Variants in MPDZ observed in about 807,000 individuals in gnomAD.
The protein encoded by MPDZ is multiple PDZ domain crumbs cell polarity complex component.
In MPDZ, 234 loss-of-function variants were observed where a neutral mutation model predicts 239.1. The ratio of observed to expected loss-of-function variants is 0.98; its 90% confidence interval spans 0.88 to 1.09. The LOEUF (loss-of-function observed/expected upper bound fraction) is 1.09, where lower values mean the gene tolerates loss of function less well. Ranked by LOEUF, MPDZ falls within the 50% of genes least tolerant of loss-of-function variation. The probability of loss-of-function intolerance (pLI) is 0.00; values close to 1 mark genes in which losing one functional copy is unlikely to be tolerated. For synonymous variants in MPDZ, 1,048 were observed against 881.3 expected (o/e 1.19, Z -3.35); for missense variants, 3,175 against 2,510.0 (o/e 1.26, Z -5.66).
At chr9:13,227,563 T>A (rs1165987981) in intron 3 of MPDZ, among the ~76,000 whole-genome samples, 1 of 152,114 alleles carries the variant, frequency 6.6e-6, no homozygotes, top group Non-Finnish European at 1.5e-5. Context: ...TAAGCCAGAA[T>A]GAACAAATCG....
At chr9:13,179,562 T>C (rs1265834618) in intron 19 of MPDZ, among the ~76,000 whole-genome samples, 2 of 152,134 alleles carry the variant, frequency 1.3e-5, no homozygotes, top group Non-Finnish European at 2.9e-5. Flanking sequence ...CCAACTCAGT[T>C]TTATTTTTAA....
chr9:13,243,455 C>CT lies in MPDZ; in HGVS notation c.183+4179dup, dbSNP rs1012360904. On this transcript the variant is annotated intron_variant, in intron 3 of 46. Transcript: ENST00000319217. Reference sequence around the variant, plus strand: ...GTCCTTGGTATATCTAGTTATGTGACTTTTTTTTTGGTCTTTGTTTAGGTT... The same window carrying CT: ...GTCCTTGGTATATCTAGTTATGTGACTTTTTTTTTTGGTCTTTGTTTAGGTT... Among the ~76,000 whole-genome samples the CT allele has an allele frequency of 8.9e-4, 134 of 149,954 alleles. 1 individual carries two copies. The highest frequency in any genetic ancestry group is 2.5e-3 in the African/African-American group (102 of 40,950).
At chr9:13,217,369 A>G (rs1479734944) in intron 8 of MPDZ, 75 bp from the exon 9 acceptor site, 1 of 955,482 alleles carries the variant, frequency 1.0e-6, no homozygotes, top group East Asian at 2.7e-5. Context: ...ACAAACAAAC[A>G]AAAAAACCAT....
At chr9:13,184,916 C>T (rs1391426819) in intron 18 of MPDZ, among the ~76,000 whole-genome samples, 3 of 151,952 alleles carry the variant, frequency 2.0e-5, no homozygotes, top group Admixed American at 6.6e-5. Flanking sequence ...ATGCCAAGCT[C>T]ACATAAAAGT....
chr9:13,254,516 G>A (rs529944727), intron 1 of MPDZ, among the ~76,000 whole-genome samples: 1 of 152,028 alleles, frequency 6.6e-6, no homozygotes, highest in South Asian at 2.1e-4. Context: ...ATCTCTTATT[G>A]AGCTTAATTT....
At chr9:13,221,597 AAT>A (rs1462172659) in intron 6 of MPDZ, 97 bp from the exon 7 acceptor site, 1 of 1,290,960 alleles carries the variant, frequency 7.7e-7, no homozygotes, top group Non-Finnish European at 1.0e-6. Context: ...GTTAATATTA[AAT>A]AATTAAATTC....
At chr9:13,171,234 T>G (rs928159606) in intron 21 of MPDZ, among the ~76,000 whole-genome samples, 1 of 152,048 alleles carries the variant, frequency 6.6e-6, no homozygotes, top group African/African-American at 2.4e-5. Flanking sequence ...AAAACAAAAC[T>G]CATAAAATAT....
chr9:13,222,599 C>T (rs921687501), intron 5 of MPDZ, among the ~76,000 whole-genome samples, 153 bp from the exon 6 acceptor site: 10 of 152,026 alleles, frequency 6.6e-5, no homozygotes, highest in Admixed American at 1.3e-4. Flanking sequence ...AAAAAATACA[C>T]GCCTTGGCTG....
intron 8 of MPDZ, among the ~76,000 whole-genome samples, chr9:13,217,992 C>T (rs544202374): frequency 6.6e-6 from 1 of 151,858 alleles, no homozygotes; most frequent in South Asian, 2.1e-4. Flanking sequence ...AATATATCAT[C>T]AATAAGCTAT....
intron 22 of MPDZ, among the ~76,000 whole-genome samples, chr9:13,166,112 T>G (rs569646851): frequency 6.6e-6 from 1 of 152,108 alleles, no homozygotes; most frequent in African/African-American, 2.4e-5. Flanking sequence ...TTAAGCTAGG[T>G]TCATAAAGAA....
At chr9:13,128,393 C>T (rs1322804014) in intron 32 of MPDZ, among the ~76,000 whole-genome samples, 1 of 152,180 alleles carries the variant, frequency 6.6e-6, no homozygotes, top group Non-Finnish European at 1.5e-5. Flanking sequence ...GAAATAAGGC[C>T]TGTTGCCAAC....
rs1329605248 is a variant in MPDZ, at chr9:13,236,249, G to GTGTGTATATATATATA, written c.183+11385_183+11386insTATATATATATACACA. Reference sequence around the variant, plus strand: ...TGTATATGTATATGTGTGTGTGTGTGTATATATATATATATATATTTTTTT... The same window carrying GTGTGTATATATATATA: ...TGTATATGTATATGTGTGTGTGTGTGTGTGTATATATATATATATATATATATATATATATTTTTTT... On this transcript the variant is annotated intron_variant, in intron 3 of 46. Coordinates refer to ENST00000319217, the MANE Select transcript of MPDZ (RefSeq NM_001378778.1). 5.6e-4 allele frequency among the ~76,000 whole-genome samples: 20 copies of GTGTGTATATATATATA among 35,844 alleles called. 1 individual carries two copies. Among genetic ancestry groups the GTGTGTATATATATATA allele is most frequent in the African/African-American group, 2.2e-3 (19 of 8,550 alleles). The allele number at this position is 35,844 out of a possible 152,430, so 23.5% of individuals were successfully genotyped here.
rs567427649 is a variant in MPDZ at position 13,115,786 on chromosome 9, A to T, written c.5380-452T>A. On this transcript the variant is annotated intron_variant, in intron 39 of 46. Transcript: ENST00000319217. ...TGGTGAAACCCTGTCTCTACTAAAA[A>T]TACAAAAAAATAGCTGGGCGTGGTG... Among the ~76,000 whole-genome samples the T allele has an allele frequency of 3.9e-5, 6 of 152,132 alleles. 1 individual carries two copies. The South Asian group carries it at 1.0e-3, about 26-fold the overall frequency.
chr9:13,239,640 G>C (rs1009702132), intron 3 of MPDZ, among the ~76,000 whole-genome samples: 1 of 152,096 alleles, frequency 6.6e-6, no homozygotes, highest in Admixed American at 6.5e-5. Context: ...ATGAATGACA[G>C]TTTTGAATAT....
At chr9:13,243,841 A>T (rs1414976786) in intron 3 of MPDZ, among the ~76,000 whole-genome samples, 1 of 152,236 alleles carries the variant, frequency 6.6e-6, no homozygotes, top group Non-Finnish European at 1.5e-5. Flanking sequence ...AAACCTGGAA[A>T]TATTAAAGAA....
At chr9:13,150,375 G>A (rs4237130) in intron 25 of MPDZ, 136 bp downstream of exon 25, 171,776 of 474,648 alleles carry the variant, frequency 0.36, 35,322 homozygotes, top group African/African-American at 0.7. Flanking sequence ...CAATTCCCTC[G>A]GTACAAAGGG....
chr9:13,124,149 G>C (rs1354698911), intron 35 of MPDZ, among the ~76,000 whole-genome samples: 3 of 152,102 alleles, frequency 2.0e-5, no homozygotes, highest in African/African-American at 7.2e-5. Flanking sequence ...CTATTTTCTT[G>C]CTCCTTAAAT....
intron 34 of MPDZ, among the ~76,000 whole-genome samples, chr9:13,125,977 A>G (rs1305750047): frequency 2.6e-5 from 4 of 152,326 alleles, no homozygotes; most frequent in Non-Finnish European, 4.4e-5. Flanking sequence ...CTCTCTCACT[A>G]TAAGAAAGAA....
At chr9:13,141,812 C>T (rs537966882) in intron 27 of MPDZ, among the ~76,000 whole-genome samples, 2 of 152,160 alleles carry the variant, frequency 1.3e-5, no homozygotes, top group East Asian at 1.9e-4. Flanking sequence ...GATTTAAGGG[C>T]GTAAGTGTCA....
Sources: gnomAD v4.1 joint callset for allele counts (sites outside exome capture counted in the v4.1 genomes callset) on GRCh38, gnomAD v4.1.1 for gene constraint, MANE v1.5 for transcripts, NCBI Gene and HGNC (gene_info 2026-07-23, HGNC 2026-07-21) for gene names.